Variants in CYFIP2 observed in about 807,000 individuals in gnomAD.
CYFIP2 encodes the protein cytoplasmic FMR1-interacting protein 2.
Under a neutral mutation model 158.7 loss-of-function variants are expected in CYFIP2, and 29 were observed. The observed-to-expected ratio is 0.18, with a 90% CI of 0.14 to 0.25. CYFIP2 has a LOEUF of 0.25. CYFIP2 is among the 10% of genes least tolerant of loss of function. The pLI is 1.00. For synonymous variants in CYFIP2, 585 were observed against 617.6 expected (o/e 0.95, Z 0.78); for missense variants, 852 against 1,639.5 (o/e 0.52, Z 8.29).
chr5:157,316,425 A>G (rs1760153135), intron 13 of CYFIP2, among the ~76,000 whole-genome samples: 2 of 152,168 alleles, frequency 1.3e-5, no homozygotes, highest in South Asian at 4.1e-4. Flanking sequence ...TATTTGTGCA[A>G]AACTGAAGGA....
chr5:157,369,885 T>TTG, intron 26 of CYFIP2, among the ~76,000 whole-genome samples: 1 of 148,794 alleles, frequency 6.7e-6, no homozygotes, highest in Non-Finnish European at 1.5e-5. Context: ...CCTAGTTTTT[T>TTG]TTTTTTTTTT....
intron 18 of CYFIP2, among the ~76,000 whole-genome samples, chr5:157,327,390 C>T (rs1462668995): frequency 6.7e-6 from 1 of 149,042 alleles, no homozygotes; most frequent in African/African-American, 2.6e-5. Context: ...CATGGTGAAA[C>T]CCCGTCTCTA....
intron 1 of CYFIP2, among the ~76,000 whole-genome samples, chr5:157,270,412 TG>T (rs1158060228): frequency 6.6e-6 from 1 of 152,172 alleles, no homozygotes; most frequent in Admixed American, 6.5e-5. Flanking sequence ...AGAAATAAAC[TG>T]GGGAAGAATG....
rs1762213257 is a variant in CYFIP2, at chr5:157,341,051, A to G, written c.2586-19A>G. ...ATTAGGACCATATTAACTCTTTCCC[A>G]TCCCTATGCTTCTACTAGTTTTGTG... On this transcript the variant is annotated intron_variant, in intron 22 of 30. Transcript: ENST00000620254. 1.9e-6 allele frequency: 3 copies of G among 1,610,578 alleles called. No homozygotes were observed. Among genetic ancestry groups the G allele is most frequent in the Non-Finnish European group, 2.5e-6 (3 of 1,176,872 alleles).
At chr5:157,319,591 G>A (rs995714099) in intron 13 of CYFIP2, among the ~76,000 whole-genome samples, 171 bp from the exon 14 acceptor site, 4 of 152,244 alleles carry the variant, frequency 2.6e-5, no homozygotes, top group East Asian at 1.9e-4. Context: ...GCTGATATAC[G>A]TACATTCTGG....
intron 1 of CYFIP2, chr5:157,277,070 G>C (rs878909795): frequency 6.8e-6 from 1 of 147,408 alleles, no homozygotes; most frequent in African/African-American, 2.5e-5. Context: ...GTCTCGCTTC[G>C]TCACCCAGGC....
chr5:157,331,973 A>T (rs1453288006), intron 20 of CYFIP2, among the ~76,000 whole-genome samples: 1 of 152,234 alleles, frequency 6.6e-6, no homozygotes, highest in African/African-American at 2.4e-5. Flanking sequence ...ACCTTAAGTT[A>T]TATTTTCCAT....
chr5:157,267,291 G>C (rs543746898), intron 1 of CYFIP2, among the ~76,000 whole-genome samples: 1 of 152,360 alleles, frequency 6.6e-6, no homozygotes, highest in African/African-American at 2.4e-5. Context: ...ACGGAGGCAG[G>C]CCTGCTGGCA....
At chr5:157,390,800 G>C in intron 30 of CYFIP2, 132 bp downstream of exon 30, 1 of 1,411,534 alleles carries the variant, frequency 7.1e-7, no homozygotes, top group Non-Finnish European at 9.6e-7. Context: ...GATACTATAG[G>C]CTGGGGACCT....
intron 21 of CYFIP2, among the ~76,000 whole-genome samples, chr5:157,336,777 C>A (rs1005071080): frequency 2.6e-5 from 4 of 152,238 alleles, no homozygotes; most frequent in African/African-American, 9.6e-5. Flanking sequence ...CCCTAAACTG[C>A]CCACATGGCT....
intron 26 of CYFIP2, among the ~76,000 whole-genome samples, chr5:157,381,588 A>G (rs1342849621): frequency 6.6e-6 from 1 of 151,174 alleles, no homozygotes; most frequent in Non-Finnish European, 1.5e-5. Context: ...AGAAACTGAG[A>G]ATGACAGTCA....
chr5:157,303,247 G>T (rs115528917), intron 7 of CYFIP2: 2 of 205,106 alleles, frequency 9.8e-6, no homozygotes, highest in Admixed American at 1.1e-4. Flanking sequence ...TTCCTCATCC[G>T]TAAAATGGGT....
chr5:157,367,173 G>A (rs1764456271), intron 26 of CYFIP2, among the ~76,000 whole-genome samples: 1 of 152,182 alleles, frequency 6.6e-6, no homozygotes, highest in Admixed American at 6.5e-5. Flanking sequence ...ATCTGGAAAG[G>A]CCCCCAGAGA....
chr5:157,323,976 A>G lies in CYFIP2; in HGVS notation c.1727A>G (p.Lys576Arg). The G allele has an allele frequency of 3.1e-6, 5 of 1,610,210 alleles. No individual in the cohort carries two copies. Among genetic ancestry groups the G allele is most frequent in the Middle Eastern group, 1.7e-4 (1 of 6,060 alleles). The change falls in exon 16 of 31, where the codon AAG (lysine) becomes AGG (arginine). Residue 576 changes from lysine (K) to arginine (R), a missense_variant. Physicochemically the swap from Lys to Arg is conservative, Grantham distance 26. Around this residue, in one of 8 missense-constraint regions of CYFIP2, gnomAD observed 167 missense variants for 343.3 expected, o/e 0.49. Coordinates refer to ENST00000620254, the MANE Select transcript of CYFIP2 (RefSeq NM_001037333.3). ...ESLIADKSGSKKTLRSSLDGP... is the reference protein window; with the variant it reads ...ESLIADKSGSRKTLRSSLDGP... ...CTCATTGCAGACAAAAGCGGCTCCAAGAAGACCCTGAGGAGCAGCCTGGAT... is the reference window on the plus strand; with the variant it reads ...CTCATTGCAGACAAAAGCGGCTCCAGGAAGACCCTGAGGAGCAGCCTGGAT...
chr5:157,309,647 C>T (rs1759540159), intron 9 of CYFIP2, 96 bp from the exon 10 acceptor site: 3 of 1,124,694 alleles, frequency 2.7e-6, no homozygotes, highest in Admixed American at 4.2e-5. Context: ...CCCCCAGGCA[C>T]ACACAGAGGC....
chr5:157,350,778 T>C lies in CYFIP2; in HGVS notation c.2674-8227T>C, dbSNP rs535499012. The stretch of plus-strand genomic sequence containing the variant: ...TCCATGAGCATGGGATGTGTTTCCA[T>C]TTGTTTGTGTCATCTATGATTTCTT... On this transcript the variant is annotated intron_variant, in intron 23 of 30. Transcript: ENST00000620254. Among the ~76,000 whole-genome samples the C allele has an allele frequency of 2.0e-5, 3 of 152,360 alleles. No individual in the cohort carries two copies. In the East Asian group the frequency reaches 5.8e-4, roughly 29 times the overall value.
intron 30 of CYFIP2, among the ~76,000 whole-genome samples, chr5:157,392,531 T>C (rs1016284453): frequency 3.3e-5 from 5 of 152,238 alleles, no homozygotes; most frequent in Non-Finnish European, 7.3e-5. Context: ...TTTGATCATA[T>C]GTGTAATAGT....
intron 3 of CYFIP2, among the ~76,000 whole-genome samples, chr5:157,290,524 C>T (rs1321212655): frequency 6.6e-6 from 1 of 150,928 alleles, no homozygotes; most frequent in East Asian, 2.0e-4. Context: ...CGCCTACCCC[C>T]ATTGCAAGGC....
intron 6 of CYFIP2, 22 bp downstream of exon 6, chr5:157,300,918 C>T: frequency 6.6e-7 from 1 of 1,524,546 alleles, no homozygotes; most frequent in Non-Finnish European, 8.9e-7. Context: ...CTCCCCCTCT[C>T]CCCTTTCCCC....
Sources: gnomAD v4.1 joint callset for allele counts (sites outside exome capture counted in the v4.1 genomes callset) on GRCh38, gnomAD v4.1.1 for gene constraint, gnomAD v4.1.1 regional missense constraint, MANE v1.5 for transcripts, NCBI Gene and HGNC (gene_info 2026-07-23, HGNC 2026-07-21) for gene names.